The following LEMD3 variants were observed in gnomAD, a reference collection of about 807,000 sequenced individuals.
LEMD3 encodes LEM domain containing 3.
Under a neutral mutation model 95.2 loss-of-function variants are expected in LEMD3, and 33 were observed. That is an observed-to-expected ratio of 0.35 (90% confidence interval 0.26 to 0.46). The LOEUF is 0.46. Among genes scored for constraint, LEMD3 ranks in the 20% least tolerant of loss-of-function variants. The pLI, the probability that LEMD3 is intolerant of heterozygous loss-of-function variation, is 1.00. For synonymous variants in LEMD3, 525 were observed against 474.6 expected (o/e 1.11, Z -1.38); for missense variants, 1,210 against 1,192.8 (o/e 1.01, Z -0.21).
chr12:65,193,775 T>TGTGTGTGTGTGTGTGTGTGTG (rs61507306), intron 1 of LEMD3, among the ~76,000 whole-genome samples: 4 of 145,140 alleles, frequency 2.8e-5, no homozygotes, highest in African/African-American at 1.0e-4. Flanking sequence ...TGTGTGTGTG[T>TGTGTGTGTGTGTGTGTGTGTG]TGGGGGAGGG....
chr12:65,224,635 C>T (rs1017766200), intron 4 of LEMD3, among the ~76,000 whole-genome samples: 11 of 152,086 alleles, frequency 7.2e-5, no homozygotes, highest in Middle Eastern at 3.4e-3. Context: ...TGATGAGTAG[C>T]TTGCGTCTTG....
chr12:65,204,162 C>G (rs540138834), intron 1 of LEMD3, among the ~76,000 whole-genome samples: 3 of 146,276 alleles, frequency 2.1e-5, no homozygotes, highest in Non-Finnish European at 4.5e-5. Context: ...AAGAAACTCA[C>G]TTTTTTTTTT....
At chr12:65,215,219 A>G (rs184678213) in intron 2 of LEMD3, among the ~76,000 whole-genome samples, 42 of 152,306 alleles carry the variant, frequency 2.8e-4, no homozygotes, top group South Asian at 1.7e-3. Context: ...GGTCTTTCCC[A>G]TTGCCTAGGA....
intron 12 of LEMD3, 29 bp from the exon 13 acceptor site, chr12:65,246,133 T>C: frequency 6.5e-7 from 1 of 1,542,598 alleles, no homozygotes; most frequent in Non-Finnish European, 8.9e-7. Context: ...GTTTTACTGA[T>C]CTAAAATATT....
intron 1 of LEMD3, among the ~76,000 whole-genome samples, chr12:65,178,802 A>G (rs1380584551): frequency 6.6e-6 from 1 of 152,170 alleles, no homozygotes; most frequent in African/African-American, 2.4e-5. Flanking sequence ...CTGTTCTTCT[A>G]GATTGCCTTT....
intron 6 of LEMD3, 89 bp downstream of exon 6, chr12:65,238,903 G>A (rs984439895): frequency 2.3e-6 from 3 of 1,290,200 alleles, no homozygotes; most frequent in South Asian, 2.4e-5. Context: ...ATTCATTTTT[G>A]TGATGGTTGC....
intron 6 of LEMD3, among the ~76,000 whole-genome samples, chr12:65,239,121 AAAT>A (rs1171539133): frequency 2.0e-5 from 3 of 152,210 alleles, no homozygotes; most frequent in African/African-American, 7.2e-5. Flanking sequence ...GCTTATTTTT[AAAT>A]AATAAAGTGT....
At chr12:65,224,986 T>G (rs1870403827) in intron 4 of LEMD3, among the ~76,000 whole-genome samples, 1 of 152,160 alleles carries the variant, frequency 6.6e-6, no homozygotes, top group Non-Finnish European at 1.5e-5. Context: ...TTCTTTTGAG[T>G]TTGCTGATTC....
At chr12:65,209,634 TTTTCTG>T (rs1869877236) in intron 1 of LEMD3, among the ~76,000 whole-genome samples, 1 of 152,156 alleles carries the variant, frequency 6.6e-6, no homozygotes, top group Non-Finnish European at 1.5e-5. Context: ...GTACTTTTGA[TTTTCTG>T]TAATATCTTT....
Position 65,217,055 on chromosome 12 carries a change from G to A in LEMD3, c.1627+1012G>A, listed in dbSNP as rs137973650. Reference sequence around the variant, plus strand: ...AACACAAGCTTCTACAGCTATCTCTGTAGCATTGTTTTATCAAGTATGGTT... The same window carrying A: ...AACACAAGCTTCTACAGCTATCTCTATAGCATTGTTTTATCAAGTATGGTT... On this transcript the variant is annotated intron_variant, in intron 3 of 12. Transcript: ENST00000308330. Among the ~76,000 whole-genome samples the A allele has an allele frequency of 2.1e-3, 322 of 152,300 alleles. 1 individual carries two copies. The highest frequency in any genetic ancestry group is 7.5e-3 in the African/African-American group (310 of 41,572).
At chr12:65,237,157 TTA>T (rs1216686104) in intron 4 of LEMD3, among the ~76,000 whole-genome samples, 5 of 152,156 alleles carry the variant, frequency 3.3e-5, no homozygotes, top group Admixed American at 3.3e-4. Flanking sequence ...AATGAATCTA[TTA>T]TATGTTAACG....
chr12:65,194,777 T>A (rs1869358503), intron 1 of LEMD3, among the ~76,000 whole-genome samples: 1 of 27,034 alleles, frequency 3.7e-5, no homozygotes, highest in African/African-American at 4.1e-4. Flanking sequence ...CAGTTTAGTT[T>A]TGGGGAATGG....
intron 6 of LEMD3, 43 bp downstream of exon 6, chr12:65,238,857 T>G (rs1257458058): frequency 1.2e-6 from 2 of 1,602,132 alleles, no homozygotes; most frequent in Non-Finnish European, 1.7e-6. Context: ...GCAGCCTGAA[T>G]TTTTGTGTGT....
At chr12:65,186,096 C>T (rs1353374886) in intron 1 of LEMD3, among the ~76,000 whole-genome samples, 1 of 152,050 alleles carries the variant, frequency 6.6e-6, no homozygotes, top group East Asian at 1.9e-4. Flanking sequence ...TCTCTCCATG[C>T]TGCTGGGCAT....
At chr12:65,193,684 A>G (rs1014741340) in intron 1 of LEMD3, among the ~76,000 whole-genome samples, 5 of 151,450 alleles carry the variant, frequency 3.3e-5, no homozygotes, top group African/African-American at 1.2e-4. Context: ...TTAGAGAGAC[A>G]GTTAACAACT....
chr12:65,246,091 T>TGA, intron 12 of LEMD3, 71 bp from the exon 13 acceptor site: 1 of 1,334,552 alleles, frequency 7.5e-7, no homozygotes, highest in South Asian at 1.2e-5. Context: ...ATATGTCTTT[T>TGA]ACCACAGTTA....
At position 65,170,489 on chromosome 12, in the gene LEMD3, C is replaced by T. The variant is rs199824717; in HGVS notation, c.893C>T (p.Thr298Ile). Reference protein sequence around the residue: ...RTHSKPLPPLTAKSAGGRLET... With the variant: ...RTHSKPLPPLIAKSAGGRLET... ...CATAGTAAGCCTCTCCCCCCGCTGA[C>T]TGCTAAATCGGCCGGCGGCAGGCTG... Residue 298 changes from threonine to isoleucine, a missense_variant, in exon 1 of 13, where the codon ACT becomes ATT. Physicochemically the swap from Thr to Ile is moderately conservative, Grantham distance 89 (BLOSUM62 -1). Coordinates refer to ENST00000308330, the MANE Select transcript of LEMD3 (RefSeq NM_014319.5). 60 of 1,614,004 alleles carry T rather than the reference C, an allele frequency of 3.7e-5. No individual in the cohort carries two copies. In the East Asian group the frequency reaches 1.2e-3, roughly 31 times the overall value.
At chr12:65,189,552 C>A (rs1261463896) in intron 1 of LEMD3, among the ~76,000 whole-genome samples, 1 of 152,166 alleles carries the variant, frequency 6.6e-6, no homozygotes, top group Non-Finnish European at 1.5e-5. Context: ...AGAAACCAAG[C>A]AGTTTATAGA....
chr12:65,191,395 A>G (rs1280618089), intron 1 of LEMD3, among the ~76,000 whole-genome samples: 2 of 152,160 alleles, frequency 1.3e-5, no homozygotes, highest in Non-Finnish European at 2.9e-5. Flanking sequence ...TGGTAACATC[A>G]TAACAGGACA....
Sources: allele counts gnomAD v4.1 joint callset (sites outside exome capture counted in the v4.1 genomes callset), GRCh38; gene constraint gnomAD v4.1.1; transcripts MANE v1.5; gene names NCBI Gene and HGNC (gene_info 2026-07-23, HGNC 2026-07-21).